TTC13: variants seen among roughly 807,000 people sequenced by gnomAD.
TTC13 encodes the protein tetratricopeptide repeat protein 13.
Under a neutral mutation model 120.0 loss-of-function variants are expected in TTC13, and 62 were observed. That is an observed-to-expected ratio of 0.52 (90% confidence interval 0.42 to 0.64). The LOEUF is 0.64. Ranked by LOEUF, TTC13 falls within the 30% of genes least tolerant of loss-of-function variation. The pLI is 0.00. For missense variants in TTC13, 824 were observed against 1,050.2 expected (o/e 0.78, Z 2.98); for synonymous variants, 384 against 393.5 (o/e 0.98, Z 0.28).
chr1:230,970,849 G>A (rs1677661042), intron 1 of TTC13, among the ~76,000 whole-genome samples: 1 of 152,190 alleles, frequency 6.6e-6, no homozygotes. Context: ...TGAAAATAAG[G>A]ATGACTGGGC....
At chr1:230,921,359 A>ATAACAAAT (rs1472621314) in intron 16 of TTC13, 62 bp downstream of exon 16, 3 of 1,029,396 alleles carry the variant, frequency 2.9e-6, no homozygotes. Context: ...TTTCAAAAAT[A>ATAACAAAT]TAACAAATAT....
At chr1:230,961,343 T>G (rs1181470502) in intron 1 of TTC13, 40 bp from the exon 2 acceptor site, 1 of 1,430,486 alleles carries the variant, frequency 7.0e-7, no homozygotes, top group South Asian at 1.2e-5. Context: ...TACACCTTAA[T>G]TTATGCTCTT....
chr1:230,927,688 A>G (rs1479840699), intron 12 of TTC13, among the ~76,000 whole-genome samples: 2 of 152,194 alleles, frequency 1.3e-5, no homozygotes, highest in East Asian at 3.9e-4. Context: ...GGAAGTTCTT[A>G]GGTTCAAGGT....
chr1:230,937,206 T>G (rs115519496), intron 8 of TTC13, among the ~76,000 whole-genome samples: 2,122 of 152,354 alleles, frequency 0.014, 34 homozygotes, highest in African/African-American at 0.035. Flanking sequence ...TAGTTTCTCT[T>G]TTCTGAAAAA....
chr1:230,909,952 G>A (rs1228071555), intron 20 of TTC13, among the ~76,000 whole-genome samples: 1 of 152,184 alleles, frequency 6.6e-6, no homozygotes, highest in Non-Finnish European at 1.5e-5. Context: ...GGAAGAGAGG[G>A]AGCTGACTGG....
At chr1:230,915,549 G>A (rs1217192530) in intron 18 of TTC13, among the ~76,000 whole-genome samples, 1 of 152,156 alleles carries the variant, frequency 6.6e-6, no homozygotes, top group Non-Finnish European at 1.5e-5. Flanking sequence ...ATCAGTCAGA[G>A]AAATTCTACA....
rs770268588 is a variant in TTC13 at position 230,961,263 on chromosome 1, G to A, written c.312C>T (p.Pro104=). The change falls in exon 2 of 23, where the codon CCC becomes CCT. Residue 104 remains proline (P), a synonymous_variant. Transcript: ENST00000366661. ...FLNFHDSDCE[P]KGSSPCDSLL... ...AGGAGTCACAGGGTGATGATCCCTT[G>A]GGTTCGCAGTCTGAGTCATGGAAGT... 6.2e-7 allele frequency: 1 copy of A among 1,614,072 alleles called. No individual in the cohort carries two copies. The highest frequency in any genetic ancestry group is 8.5e-7 in the Non-Finnish European group (1 of 1,179,988).
intron 3 of TTC13, among the ~76,000 whole-genome samples, chr1:230,955,978 T>C (rs1666084071): frequency 6.6e-6 from 1 of 152,116 alleles, no homozygotes; most frequent in Admixed American, 6.6e-5. Context: ...ATATTAGTAG[T>C]AAAAACAGCA....
At chr1:230,933,178 G>T (rs929934898) in intron 9 of TTC13, among the ~76,000 whole-genome samples, 5 of 151,956 alleles carry the variant, frequency 3.3e-5, no homozygotes, top group African/African-American at 1.2e-4. Context: ...TCACCATGTT[G>T]GCCAGGCTGG....
rs983134499 is a variant in TTC13, at chr1:230,963,223, T to C, written c.272-1920A>G. ...CAAAGAACATATAATTTAGCTAAAT[T>C]CTCACGTGTTGTATATCTTAACAAT... On this transcript the variant is annotated intron_variant, in intron 1 of 22. Coordinates refer to ENST00000366661, the MANE Select transcript of TTC13 (RefSeq NM_024525.5). 2.0e-5 allele frequency among the ~76,000 whole-genome samples: 3 copies of C among 152,308 alleles called. No homozygotes were observed. The South Asian group carries it at 6.2e-4, about 32-fold the overall frequency.
intron 20 of TTC13, among the ~76,000 whole-genome samples, chr1:230,911,083 A>G (rs889057081): frequency 6.6e-6 from 1 of 152,242 alleles, no homozygotes; most frequent in Non-Finnish European, 1.5e-5. Context: ...CAAAAGTATA[A>G]AACATGAGGA....
chr1:230,931,152 C>T (rs1181571468), intron 11 of TTC13, 146 bp downstream of exon 11: 4 of 683,772 alleles, frequency 5.8e-6, no homozygotes, highest in African/African-American at 5.4e-5. Flanking sequence ...AGTCTCGACA[C>T]TAGCACTGAC....
At chr1:230,951,571 G>A (rs1171530374) in intron 4 of TTC13, among the ~76,000 whole-genome samples, 1 of 152,190 alleles carries the variant, frequency 6.6e-6, no homozygotes, top group Non-Finnish European at 1.5e-5. Context: ...GTTCTCAAGT[G>A]ATATTTAGCT....
intron 22 of TTC13, 140 bp from the exon 23 acceptor site, chr1:230,907,159 G>C (rs1671016062): frequency 2.4e-6 from 1 of 408,348 alleles, no homozygotes; most frequent in Admixed American, 4.4e-5. Context: ...GCAGGGAGGA[G>C]CTGTGAACAG....
intron 3 of TTC13, among the ~76,000 whole-genome samples, chr1:230,957,727 A>G (rs1676227448): frequency 6.6e-6 from 1 of 152,158 alleles, no homozygotes; most frequent in Non-Finnish European, 1.5e-5. Flanking sequence ...AAAACATGCA[A>G]TGAACACACC....
intron 6 of TTC13, among the ~76,000 whole-genome samples, chr1:230,941,783 G>T (rs1038410911): frequency 1.4e-4 from 22 of 152,162 alleles, no homozygotes; most frequent in African/African-American, 5.3e-4. Flanking sequence ...CAGTGGGCTG[G>T]GGTTGTATTT....
At chr1:230,949,288 C>T (rs988597724) in intron 4 of TTC13, among the ~76,000 whole-genome samples, 1 of 150,634 alleles carries the variant, frequency 6.6e-6, no homozygotes, top group Non-Finnish European at 1.5e-5. Flanking sequence ...AACAAGAGCC[C>T]GATCCAGGGT....
At chr1:230,923,607 T>C (rs958561548) in intron 15 of TTC13, among the ~76,000 whole-genome samples, 7 of 151,706 alleles carry the variant, frequency 4.6e-5, no homozygotes, top group African/African-American at 1.5e-4. Flanking sequence ...TCGGTTGTGC[T>C]CTACACCAGA....
In TTC13 at chr1:230,947,262, G is replaced by A. The variant is rs140417744; in HGVS notation, c.514-1808C>T. ...GGCTTAAAGGAAGGCAGAGTAAGTG[G>A]TTTGGATGGAGAAAGGATACAGGTG... On this transcript the variant is annotated intron_variant, in intron 4 of 22. Coordinates refer to ENST00000366661, the MANE Select transcript of TTC13 (RefSeq NM_024525.5). 4.5e-4 allele frequency among the ~76,000 whole-genome samples: 69 copies of A among 152,238 alleles called. No individual in the cohort carries two copies. In the East Asian group the frequency reaches 0.012, roughly 26 times the overall value.
Sources: gnomAD v4.1 joint callset for allele counts (sites outside exome capture counted in the v4.1 genomes callset) on GRCh38, gnomAD v4.1.1 for gene constraint, MANE v1.5 for transcripts, NCBI Gene and HGNC (gene_info 2026-07-23, HGNC 2026-07-21) for gene names.